Variants in CCDC91 observed in about 807,000 individuals in gnomAD.
CCDC91 encodes coiled-coil domain containing 91, also known as coiled-coil domain-containing protein 91.
CCDC91 carries 48 observed loss-of-function variants against 63.2 expected under a neutral mutation model. The ratio of observed to expected loss-of-function variants is 0.76; its 90% CI spans 0.60 to 0.97. The LOEUF (loss-of-function observed/expected upper bound fraction) is 0.97. Ranked by LOEUF, CCDC91 falls within the 50% of genes least tolerant of loss-of-function variation. CCDC91 has a pLI of 0.00. For synonymous variants in CCDC91, 167 were observed against 165.8 expected, an observed-to-expected ratio of 1.01 and a Z score of -0.06; for missense variants, 500 against 494.6, an observed-to-expected ratio of 1.01 and a Z score of -0.10.
chr12:28,431,474 A>G (rs1007373352), intron 8 of CCDC91, among the ~76,000 whole-genome samples: 3 of 152,122 alleles, frequency 2.0e-5, no homozygotes, highest in Non-Finnish European at 2.9e-5. Context: ...ACTTTTGCCT[A>G]AAGTCTATTG....
chr12:28,271,081 A>G (rs1005886277), intron 3 of CCDC91, among the ~76,000 whole-genome samples: 7 of 152,130 alleles, frequency 4.6e-5, no homozygotes, highest in African/African-American at 1.4e-4. Context: ...AGAGAGAGTG[A>G]GGTAGGTACC....
chr12:28,523,652 G>T (rs1243277293), intron 12 of CCDC91, among the ~76,000 whole-genome samples: 3 of 152,090 alleles, frequency 2.0e-5, no homozygotes, highest in African/African-American at 2.4e-5. Flanking sequence ...GTTAGTTGAT[G>T]CATTTTCTTC....
Position 28,452,587 on chromosome 12 carries a change from C to G in CCDC91, c.1034C>G (p.Ala345Gly). 1.3e-6 allele frequency: 2 copies of G among 1,580,876 alleles called. No homozygotes were observed. The highest frequency in any genetic ancestry group is 1.2e-5 in the South Asian group (1 of 84,580). The change falls in exon 11 of 13, where the codon GCA becomes GGA. Residue 345 changes from alanine (A) to glycine (G), a missense_variant. Coordinates refer to ENST00000536442, the MANE Select transcript of CCDC91 (RefSeq NM_018318.5). ...EERELWKTEH[A>G]KDQEKVSQEI... is the part of the protein sequence containing the mutation. ...AGGGAATTATGGAAGACAGAACATG[C>G]AAAAGATCAAGAAAAAGTATCTCAG...
At chr12:28,358,788 T>G (rs1342614376) in intron 6 of CCDC91, among the ~76,000 whole-genome samples, 8 of 152,190 alleles carry the variant, frequency 5.3e-5, no homozygotes, top group Admixed American at 1.3e-4. Context: ...TTGAGCATGA[T>G]GTAGAGGAAG....
intron 8 of CCDC91, among the ~76,000 whole-genome samples, chr12:28,397,680 T>C (rs1946372338): frequency 6.6e-6 from 1 of 152,188 alleles, no homozygotes; most frequent in Admixed American, 6.5e-5. Context: ...TTATGAATTT[T>C]TTTTGAGTTA....
At chr12:28,499,489 A>G (rs1231897990) in intron 12 of CCDC91, among the ~76,000 whole-genome samples, 3 of 151,812 alleles carry the variant, frequency 2.0e-5, no homozygotes, top group Non-Finnish European at 4.4e-5. Context: ...TATTTCTCCT[A>G]ATGCTATCCT....
intron 12 of CCDC91, among the ~76,000 whole-genome samples, chr12:28,530,547 A>G (rs1420013725): frequency 6.6e-6 from 1 of 152,162 alleles, no homozygotes; most frequent in Non-Finnish European, 1.5e-5. Context: ...TTTTGCAGTA[A>G]TTTGTTTTAC....
intron 3 of CCDC91, among the ~76,000 whole-genome samples, chr12:28,285,134 T>A (rs1411628786): frequency 6.6e-6 from 1 of 152,076 alleles, no homozygotes; most frequent in Non-Finnish European, 1.5e-5. Context: ...AATGTGAAAA[T>A]GGAGAGGATT....
At chr12:28,394,397 T>C (rs543006251) in intron 8 of CCDC91, among the ~76,000 whole-genome samples, 16 of 150,938 alleles carry the variant, frequency 1.1e-4, no homozygotes, top group South Asian at 2.1e-4. Flanking sequence ...ACCTGGGAGG[T>C]GGAGCTTGCA....
chr12:28,333,546 G>A (rs1158831388), intron 6 of CCDC91, among the ~76,000 whole-genome samples: 1 of 151,938 alleles, frequency 6.6e-6, no homozygotes, highest in Non-Finnish European at 1.5e-5. Flanking sequence ...TGGAATCTTC[G>A]AATAATATAG....
intron 3 of CCDC91, among the ~76,000 whole-genome samples, chr12:28,298,854 G>T (rs1937728453): frequency 6.6e-6 from 1 of 151,178 alleles, no homozygotes; most frequent in African/African-American, 2.4e-5. Flanking sequence ...AAATCTTCAG[G>T]ATTTATATTT....
At chr12:28,242,298 G>T (rs1945399756) in intron 1 of CCDC91, among the ~76,000 whole-genome samples, 1 of 152,150 alleles carries the variant, frequency 6.6e-6, no homozygotes, top group Non-Finnish European at 1.5e-5. Context: ...AAAGAAGCTT[G>T]TTTATACTGG....
chr12:28,405,917 A>G (rs534126833), intron 8 of CCDC91, among the ~76,000 whole-genome samples: 1 of 151,970 alleles, frequency 6.6e-6, no homozygotes, highest in South Asian at 2.1e-4. Context: ...TATAATGTCT[A>G]TGTAATGTCC....
intron 1 of CCDC91, among the ~76,000 whole-genome samples, chr12:28,229,968 T>C (rs1480152164): frequency 3.3e-5 from 5 of 152,182 alleles, no homozygotes; most frequent in Admixed American, 6.5e-5. Context: ...ACCTGTTCTT[T>C]ATCTTTGTTG....
At chr12:28,402,103 T>C (rs1359311655) in intron 8 of CCDC91, among the ~76,000 whole-genome samples, 3 of 152,046 alleles carry the variant, frequency 2.0e-5, no homozygotes, top group Non-Finnish European at 4.4e-5. Context: ...ACATTAGGGG[T>C]TGAATTTTTT....
chr12:28,341,807 C>G (rs1194579224), intron 6 of CCDC91, among the ~76,000 whole-genome samples: 1 of 151,994 alleles, frequency 6.6e-6, no homozygotes, highest in Non-Finnish European at 1.5e-5. Context: ...GCCATCCAGG[C>G]CAAGAAAAGT....
intron 6 of CCDC91, among the ~76,000 whole-genome samples, chr12:28,329,150 T>A (rs1398906129): frequency 6.6e-6 from 1 of 152,158 alleles, no homozygotes; most frequent in Non-Finnish European, 1.5e-5. Flanking sequence ...AAAATGTGAA[T>A]CACTTGCCTG....
intron 12 of CCDC91, among the ~76,000 whole-genome samples, chr12:28,489,147 A>C (rs1454243602): frequency 6.6e-6 from 1 of 151,958 alleles, no homozygotes; most frequent in Non-Finnish European, 1.5e-5. Flanking sequence ...TTGCGGGGAA[A>C]GTTTCTTCTT....
rs1592263234 is a variant in CCDC91 at position 28,306,921 on chromosome 12, A to G, written c.447A>G (p.Glu149=). 2 of 1,609,062 alleles carry G rather than the reference A, an allele frequency of 1.2e-6. No homozygotes were observed. Among genetic ancestry groups the G allele is most frequent in the Admixed American group, 1.7e-5 (1 of 59,830 alleles). Residue 149 remains glutamate, a synonymous_variant, in exon 5 of 13, where the codon GAA becomes GAG. Transcript: ENST00000536442. ...SSLEIKLKVS[E]EEKQRIKQDV... is the part of the protein sequence containing the mutation. ...TGGAGATTAAACTCAAAGTATCTGAAGAAGAAAAACAGAGAATTAAACAGG... is the reference window on the plus strand; with the variant it reads ...TGGAGATTAAACTCAAAGTATCTGAGGAAGAAAAACAGAGAATTAAACAGG...
Sources: gnomAD v4.1 joint callset for allele counts (sites outside exome capture counted in the v4.1 genomes callset) on GRCh38, gnomAD v4.1.1 for gene constraint, MANE v1.5 for transcripts, NCBI Gene and HGNC (gene_info 2026-07-23, HGNC 2026-07-21) for gene names.